Variants in FMN2 observed in about 807,000 individuals in gnomAD.
FMN2 encodes the protein formin-2.
Under a neutral mutation model 142.3 loss-of-function variants are expected in FMN2, and 51 were observed. The ratio of observed to expected loss-of-function variants is 0.36; its 90% CI spans 0.29 to 0.45. The LOEUF (loss-of-function observed/expected upper bound fraction) is 0.45. FMN2 is among the 20% of genes least tolerant of loss of function. The pLI, the probability that FMN2 is intolerant of heterozygous loss-of-function variation, is 1.00. For missense variants in FMN2, 1,936 were observed against 2,122.8 expected (o/e 0.91, Z 1.73); for synonymous variants, 882 against 869.8 (o/e 1.01, Z -0.25).
intron 1 of FMN2, among the ~76,000 whole-genome samples, chr1:240,099,789 A>G (rs1661351096): frequency 6.6e-6 from 1 of 151,836 alleles, no homozygotes; most frequent in Non-Finnish European, 1.5e-5. Flanking sequence ...TCTGTACTTT[A>G]CTGTCTAGAT....
chr1:240,265,196 CTTCA>C (rs1668757676), intron 7 of FMN2, among the ~76,000 whole-genome samples: 1 of 152,140 alleles, frequency 6.6e-6, no homozygotes. Context: ...ATTTATCAGA[CTTCA>C]TTTATTATGT....
At chr1:240,209,713 G>C (rs1487857267) in intron 5 of FMN2, among the ~76,000 whole-genome samples, 1 of 149,700 alleles carries the variant, frequency 6.7e-6, no homozygotes, top group Non-Finnish European at 1.5e-5. Context: ...GACCATCCTG[G>C]CTAACACGGT....
intron 1 of FMN2, among the ~76,000 whole-genome samples, chr1:240,116,959 A>G (rs1192218052): frequency 6.6e-6 from 1 of 151,974 alleles, no homozygotes; most frequent in Non-Finnish European, 1.5e-5. Context: ...ATGTGGCTCA[A>G]GGGAGGATTT....
chr1:240,256,634 C>T (rs1668459536), intron 6 of FMN2, among the ~76,000 whole-genome samples: 1 of 151,844 alleles, frequency 6.6e-6, no homozygotes, highest in South Asian at 2.1e-4. Context: ...ACCTGTAATC[C>T]CAGCTACTCA....
intron 15 of FMN2, among the ~76,000 whole-genome samples, chr1:240,433,815 C>T (rs995262139): frequency 1.3e-5 from 2 of 152,226 alleles, no homozygotes; most frequent in East Asian, 3.9e-4. Flanking sequence ...GGTTTTATGT[C>T]GTGAGGAGTT....
At chr1:240,287,142 A>T (rs1446191498) in intron 7 of FMN2, among the ~76,000 whole-genome samples, 1 of 152,230 alleles carries the variant, frequency 6.6e-6, no homozygotes, top group African/African-American at 2.4e-5. Flanking sequence ...AACTGCTTAC[A>T]TGTCCTCGTC....
At chr1:240,448,261 ACT>A (rs1472726649) in intron 16 of FMN2, among the ~76,000 whole-genome samples, 2 of 152,146 alleles carry the variant, frequency 1.3e-5, no homozygotes, top group African/African-American at 4.8e-5. Flanking sequence ...CAGTAGTTTG[ACT>A]CTGTAGTGAT....
intron 8 of FMN2, among the ~76,000 whole-genome samples, chr1:240,320,753 C>T (rs1245719554): frequency 6.6e-6 from 1 of 152,124 alleles, no homozygotes; most frequent in Admixed American, 6.5e-5. Flanking sequence ...CGTGGATGCC[C>T]AGGGATTCCT....
intron 4 of FMN2, among the ~76,000 whole-genome samples, chr1:240,198,270 T>C (rs902700673): frequency 1.3e-5 from 2 of 152,200 alleles, no homozygotes; most frequent in Non-Finnish European, 2.9e-5. Context: ...TTTTGCTGTT[T>C]ATCTCCCTTT....
intron 14 of FMN2, among the ~76,000 whole-genome samples, chr1:240,359,525 T>TAA (rs1672390336): frequency 6.6e-6 from 1 of 152,166 alleles, no homozygotes. Flanking sequence ...GTGTGGTCTG[T>TAA]GGTCCACACT....
intron 2 of FMN2, among the ~76,000 whole-genome samples, chr1:240,161,214 G>A (rs1449905389): frequency 1.3e-5 from 2 of 152,076 alleles, no homozygotes; most frequent in African/African-American, 4.8e-5. Context: ...GCTTTAGTGG[G>A]ATGTGACAAA....
chr1:240,269,862 T>C (rs1031979686), intron 7 of FMN2, among the ~76,000 whole-genome samples: 2 of 152,046 alleles, frequency 1.3e-5, no homozygotes, highest in Non-Finnish European at 2.9e-5. Flanking sequence ...GAAATGCTTC[T>C]GATTTTTATA....
chr1:240,218,520 G>A (rs1415666890), intron 6 of FMN2, among the ~76,000 whole-genome samples: 2 of 151,364 alleles, frequency 1.3e-5, no homozygotes, highest in African/African-American at 4.9e-5. Context: ...GATACCCACT[G>A]CCCTCCAGCC....
chr1:240,354,019 GTCTACATTGTAGCGAGTGCTACAAA>G (rs1265305057), intron 13 of FMN2, among the ~76,000 whole-genome samples: 3 of 152,148 alleles, frequency 2.0e-5, no homozygotes, highest in Non-Finnish European at 4.4e-5. Context: ...AGTTGGCAAG[GTCTACATTGTAGCGAGTGCTACAAA>G]TCATGGTGTA....
chr1:240,451,186 C>A (rs188763403), intron 16 of FMN2, among the ~76,000 whole-genome samples: 1 of 151,762 alleles, frequency 6.6e-6, no homozygotes, highest in Non-Finnish European at 1.5e-5. Context: ...GACAAGATGG[C>A]GAAACCCTGT....
chr1:240,140,841 T>A (rs1169556646), intron 2 of FMN2, among the ~76,000 whole-genome samples: 2 of 152,182 alleles, frequency 1.3e-5, no homozygotes, highest in Non-Finnish European at 2.9e-5. Flanking sequence ...GAGGGAATAA[T>A]AAAAACACCA....
chr1:240,288,195 G>A (rs1465487078), intron 7 of FMN2, among the ~76,000 whole-genome samples: 1 of 152,182 alleles, frequency 6.6e-6, no homozygotes, highest in African/African-American at 2.4e-5. Flanking sequence ...AACAGTGAAT[G>A]AAGCATGACC....
chr1:240,144,089 C>A (rs2355833), intron 2 of FMN2: 2 of 1,107,482 alleles, frequency 1.8e-6, no homozygotes, highest in African/African-American at 1.5e-5. Context: ...CAGGTTACTT[C>A]TCAATCTGAA....
rs1665063790 is a variant in FMN2, at chr1:240,179,506, G to GTAGGAAGTGTTGTTC, written c.1930+1439_1930+1453dup. ...ATGAACAACAAATGAGAGAGAGGGT[G>GTAGGAAGTGTTGTTC]TAGGAAGTGTTGTTCCAGGAAGTGT... On this transcript the variant is annotated intron_variant, in intron 3 of 17. Coordinates refer to ENST00000319653, the MANE Select transcript of FMN2 (RefSeq NM_020066.5). 3 of 129,940 alleles carry GTAGGAAGTGTTGTTC rather than the reference G, an allele frequency of 2.3e-5. 1 individual carries two copies. Among genetic ancestry groups the GTAGGAAGTGTTGTTC allele is most frequent in the African/African-American group, 3.6e-5 (1 of 28,098 alleles). The allele number at this position is 129,940 out of a possible 1,614,324, so 8.0% of individuals were successfully genotyped here. A position where few individuals can be genotyped will look rare whatever the true frequency, so the allele number is the denominator to read the frequency against.
Sources: allele counts gnomAD v4.1 joint callset (sites outside exome capture counted in the v4.1 genomes callset), GRCh38; gene constraint gnomAD v4.1.1; transcripts MANE v1.5; gene names NCBI Gene and HGNC (gene_info 2026-07-23, HGNC 2026-07-21).